ADAMTS6: variants seen among roughly 807,000 people sequenced by gnomAD.
ADAMTS6 encodes the protein ADAM metallopeptidase with thrombospondin type 1 motif 6.
A neutral mutation model predicts 144.3 loss-of-function variants in ADAMTS6; 23 were observed. That is an observed-to-expected ratio of 0.16 (90% CI 0.11 to 0.23). ADAMTS6 has a LOEUF of 0.23. Among genes scored for constraint, ADAMTS6 ranks in the 10% least tolerant of loss-of-function variants. The pLI, the probability that ADAMTS6 is intolerant of heterozygous loss-of-function variation, is 1.00. For missense variants in ADAMTS6, 999 were observed against 1,379.6 expected (o/e 0.72, Z 4.37); for synonymous variants, 444 against 457.5 (o/e 0.97, Z 0.38).
In ADAMTS6 at chr5:65,174,020, C is replaced by CAAA. The variant is rs33956781; in HGVS notation, c.2911-1015_2911-1013dup. Among the ~76,000 whole-genome samples, 434 of 141,520 alleles carry CAAA rather than the reference C, an allele frequency of 3.1e-3. 3 individuals are homozygous for CAAA. Among genetic ancestry groups the CAAA allele is most frequent in the African/African-American group, 7.3e-3 (282 of 38,842 alleles). 92.8% of individuals were successfully genotyped at this position (141,520 alleles called of 152,430 possible). On this transcript the variant is annotated intron_variant, in intron 22 of 24. Transcript: ENST00000381055. The stretch of plus-strand genomic sequence containing the variant: ...CTAGAGACAGAGCAAGATTCTGTCT[C>CAAA]AAAAAAAAAAAAAAATCTATACTTC...
intron 8 of ADAMTS6, among the ~76,000 whole-genome samples, chr5:65,331,006 A>G: frequency 6.6e-6 from 1 of 152,088 alleles, no homozygotes; most frequent in East Asian, 1.9e-4. Flanking sequence ...AGACAGACAC[A>G]CACAGTGAAT....
chr5:65,447,449 C>CA, intron 7 of ADAMTS6, among the ~76,000 whole-genome samples: 1 of 152,096 alleles, frequency 6.6e-6, no homozygotes, highest in African/African-American at 2.4e-5. Flanking sequence ...CATTTGTATA[C>CA]CATAAAGACA....
Position 65,212,423 on chromosome 5 carries a change from CTTT to C in ADAMTS6, c.2575+2368_2575+2370del, listed in dbSNP as rs397881866. Among the ~76,000 whole-genome samples, 855 of 107,828 alleles carry C rather than the reference CTTT, an allele frequency of 7.9e-3. 6 individuals are homozygous for C. The highest frequency in any genetic ancestry group is 0.038 in the Middle Eastern group (8 of 208). The allele number at this position is 107,828 out of a possible 152,430, so 70.7% of individuals were successfully genotyped here. A position where few individuals can be genotyped will look rare whatever the true frequency, so the allele number is the denominator to read the frequency against. On this transcript the variant is annotated intron_variant, in intron 20 of 24. Coordinates refer to ENST00000381055, the MANE Select transcript of ADAMTS6 (RefSeq NM_197941.4). ...CTCCCTTCCAGAGGCTTTTCTCTCT[CTTT>C]TTTTTTTTTTTTTTTTTTTTACCCC...
At chr5:65,350,156 T>C (rs1458502719) in intron 7 of ADAMTS6, among the ~76,000 whole-genome samples, 2 of 152,218 alleles carry the variant, frequency 1.3e-5, no homozygotes, top group African/African-American at 2.4e-5. Context: ...TATAGTGTTG[T>C]AAAGGATGTC....
chr5:65,231,894 G>T (rs1758274396), intron 15 of ADAMTS6, among the ~76,000 whole-genome samples: 1 of 152,096 alleles, frequency 6.6e-6, no homozygotes, highest in African/African-American at 2.4e-5. Context: ...TGGATCACTT[G>T]AGGTCAGGAG....
chr5:65,459,674 C>T (rs1242360872), intron 4 of ADAMTS6, among the ~76,000 whole-genome samples: 1 of 152,198 alleles, frequency 6.6e-6, no homozygotes. Flanking sequence ...GCTTAGAAGT[C>T]ACTTCTTCCA....
intron 7 of ADAMTS6, among the ~76,000 whole-genome samples, chr5:65,433,529 T>C (rs551358899): frequency 2.0e-5 from 3 of 152,230 alleles, no homozygotes; most frequent in Non-Finnish European, 4.4e-5. Flanking sequence ...TAAAGTTGTG[T>C]TCATTTTATA....
chr5:65,229,317 C>T (rs1251364133), intron 15 of ADAMTS6, among the ~76,000 whole-genome samples: 2 of 152,102 alleles, frequency 1.3e-5, no homozygotes, highest in African/African-American at 4.8e-5. Flanking sequence ...TTGGTAAAGA[C>T]ATTTTTCTCT....
intron 18 of ADAMTS6, among the ~76,000 whole-genome samples, chr5:65,222,647 CA>C (rs1222806678): frequency 2.6e-5 from 4 of 152,074 alleles, no homozygotes; most frequent in African/African-American, 9.7e-5. Flanking sequence ...TCATAGGTAT[CA>C]GTCGTAGTAT....
intron 14 of ADAMTS6, 83 bp downstream of exon 14, chr5:65,260,517 C>T (rs1173440150): frequency 9.2e-7 from 1 of 1,090,558 alleles, no homozygotes; most frequent in South Asian, 1.4e-5. Context: ...TATTTCTTAT[C>T]AAATAGTTTA....
At position 65,224,358 on chromosome 5, in the gene ADAMTS6, A is replaced by G. The variant is rs1363245737; in HGVS notation, c.2234T>C (p.Ile745Thr). Residue 745 changes from isoleucine (I) to threonine (T), a missense_variant, in exon 18 of 25, where the codon ATT (isoleucine) becomes ACT (threonine). Ile to Thr is a moderately conservative substitution (Grantham distance 89). Transcript: ENST00000381055. Reference protein sequence around the residue: ...VVQIPRGSVHIEVREVAMSKN... With the variant: ...VVQIPRGSVHTEVREVAMSKN... ...TGACATGGCAACTTCTCTAACTTCA[A>G]TGTGAACAGAGCCTCTTGGTATCTG... The G allele has an allele frequency of 1.2e-6, 2 of 1,614,138 alleles. No homozygotes were observed. The highest frequency in any genetic ancestry group is 2.2e-5 in the South Asian group (2 of 91,082).
chr5:65,407,848 T>A (rs1754686104), intron 7 of ADAMTS6, among the ~76,000 whole-genome samples: 1 of 152,078 alleles, frequency 6.6e-6, no homozygotes, highest in Non-Finnish European at 1.5e-5. Flanking sequence ...GGAATCAACA[T>A]TATTAAAGAA....
chr5:65,364,408 A>G (rs997827721), intron 7 of ADAMTS6, among the ~76,000 whole-genome samples: 1 of 152,170 alleles, frequency 6.6e-6, no homozygotes, highest in Non-Finnish European at 1.5e-5. Flanking sequence ...ATGGAGTATC[A>G]TCATGTTGCA....
At chr5:65,351,256 T>C (rs1050011567) in intron 7 of ADAMTS6, among the ~76,000 whole-genome samples, 1 of 152,184 alleles carries the variant, frequency 6.6e-6, no homozygotes, top group Non-Finnish European at 1.5e-5. Flanking sequence ...CTCTGGAAAA[T>C]ATATAATTAT....
intron 21 of ADAMTS6, among the ~76,000 whole-genome samples, chr5:65,192,860 C>T (rs993140947): frequency 6.6e-6 from 1 of 151,868 alleles, no homozygotes; most frequent in Admixed American, 6.6e-5. Context: ...CCTGTTTTGT[C>T]TATTTTTCCT....
At chr5:65,274,865 A>C (rs1483378154) in intron 11 of ADAMTS6, among the ~76,000 whole-genome samples, 2 of 152,074 alleles carry the variant, frequency 1.3e-5, no homozygotes, top group Non-Finnish European at 2.9e-5. Context: ...TTGTATTTTC[A>C]GTAGAGACAG....
intron 7 of ADAMTS6, among the ~76,000 whole-genome samples, chr5:65,437,394 C>A (rs1235240809): frequency 6.6e-6 from 1 of 151,760 alleles, no homozygotes; most frequent in Non-Finnish European, 1.5e-5. Flanking sequence ...ACACTCGGCC[C>A]CGGAAACTCC....
At chr5:65,470,691 T>C in intron 3 of ADAMTS6, 87 bp downstream of exon 3, 1 of 1,002,444 alleles carries the variant, frequency 1.0e-6, no homozygotes, top group Non-Finnish European at 1.3e-6. Flanking sequence ...TATATATATA[T>C]ATTTTTTTTT....
intron 14 of ADAMTS6, among the ~76,000 whole-genome samples, chr5:65,258,144 G>A (rs1173952734): frequency 6.6e-6 from 1 of 152,130 alleles, no homozygotes; most frequent in Non-Finnish European, 1.5e-5. Flanking sequence ...AGTAGGGTAA[G>A]GAAGATTAGG....
Sources: allele counts gnomAD v4.1 joint callset (sites outside exome capture counted in the v4.1 genomes callset), GRCh38; gene constraint gnomAD v4.1.1; transcripts MANE v1.5; gene names NCBI Gene and HGNC (gene_info 2026-07-23, HGNC 2026-07-21).